Variants in BRINP1 observed in about 807,000 individuals in gnomAD.
BRINP1 encodes BMP/retinoic acid-inducible neural-specific protein 1.
Under a neutral mutation model 72.9 loss-of-function variants are expected in BRINP1, and 17 were observed. That is an observed-to-expected ratio of 0.23 (90% CI 0.16 to 0.35). The LOEUF (loss-of-function observed/expected upper bound fraction) is 0.35, where lower values mean the gene tolerates loss of function less well. Among genes scored for constraint, BRINP1 ranks in the 10% least tolerant of loss-of-function variants. BRINP1 has a pLI of 1.00. For synonymous variants in BRINP1, 418 were observed against 378.5 expected, an observed-to-expected ratio of 1.10 and a Z score of -1.21; for missense variants, 850 against 1,001.6, an observed-to-expected ratio of 0.85 and a Z score of 2.04.
rs192096203 is a variant in BRINP1, at chr9:119,213,295, T to C, written c.922+624A>G. Reference sequence around the variant, plus strand: ...GCCTGGCTTTCCAACAAAACTCAAATGTCCATGAAGGTAGAGATCCTACTT... The same window carrying C: ...GCCTGGCTTTCCAACAAAACTCAAACGTCCATGAAGGTAGAGATCCTACTT... On this transcript the variant is annotated intron_variant, in intron 6 of 7. Transcript: ENST00000265922. 2.0e-5 allele frequency among the ~76,000 whole-genome samples: 3 copies of C among 152,312 alleles called. No homozygotes were observed. In the East Asian group the frequency reaches 5.8e-4, roughly 29 times the overall value.
rs115548564 is a variant in BRINP1, at chr9:119,248,994, G to A, written c.375C>T (p.Tyr125=). 193 of 1,613,792 alleles carry A rather than the reference G, an allele frequency of 1.2e-4. No individual in the cohort carries two copies. The East Asian group carries it at 1.4e-3, about 11-fold the overall frequency. The change falls in exon 3 of 8, where the codon TAC becomes TAT. Residue 125 remains tyrosine, a synonymous_variant. Transcript: ENST00000265922. The stretch of plus-strand genomic sequence containing the variant: ...TGGCTGAGATGAGCAGGTGGGTGCC[G>A]TACTTTTTGATGATGGTATCGATGA... ...QQFIDTIIKK[Y]GTHLLISATL...
chr9:119,349,747 C>T (rs967133184), intron 1 of BRINP1, among the ~76,000 whole-genome samples: 83 of 152,186 alleles, frequency 5.5e-4, no homozygotes, highest in African/African-American at 1.9e-3. Flanking sequence ...TTGCAGTCAG[C>T]GAAAAGCCCC....
At chr9:119,271,125 A>G (rs1483598044) in intron 2 of BRINP1, among the ~76,000 whole-genome samples, 1 of 152,196 alleles carries the variant, frequency 6.6e-6, no homozygotes, top group Non-Finnish European at 1.5e-5. Flanking sequence ...TGAGCTGATA[A>G]CTGATGAAAT....
At chr9:119,176,373 C>T (rs994274980) in intron 7 of BRINP1, among the ~76,000 whole-genome samples, 17 of 152,306 alleles carry the variant, frequency 1.1e-4, no homozygotes, top group African/African-American at 3.8e-4. Flanking sequence ...GCATTGTACT[C>T]TCTGTGGTAG....
intron 2 of BRINP1, among the ~76,000 whole-genome samples, chr9:119,265,446 A>C (rs186109692): frequency 6.6e-6 from 1 of 151,334 alleles, no homozygotes; most frequent in African/African-American, 2.4e-5. Context: ...ACTAAAAATA[A>C]AAAAAAAAAT....
chr9:119,196,402 G>A (rs1370621543), intron 7 of BRINP1, among the ~76,000 whole-genome samples: 4 of 152,152 alleles, frequency 2.6e-5, no homozygotes, highest in Non-Finnish European at 4.4e-5. Flanking sequence ...CCAAAAGAGA[G>A]ATCCCATCGA....
intron 5 of BRINP1, among the ~76,000 whole-genome samples, chr9:119,237,329 G>A (rs1830201237): frequency 8.0e-6 from 1 of 125,242 alleles, no homozygotes; most frequent in African/African-American, 3.4e-5. Flanking sequence ...CTAATACCTG[G>A]GCATATTTTC....
At chr9:119,212,095 GT>G (rs1829934919) in intron 6 of BRINP1, among the ~76,000 whole-genome samples, 1 of 151,952 alleles carries the variant, frequency 6.6e-6, no homozygotes, top group Non-Finnish European at 1.5e-5. Context: ...AATCATCATA[GT>G]ACATTTCCAT....
intron 1 of BRINP1, among the ~76,000 whole-genome samples, chr9:119,353,402 T>A (rs1355288913): frequency 6.6e-6 from 1 of 152,190 alleles, no homozygotes; most frequent in African/African-American, 2.4e-5. Context: ...AATCCAGTGA[T>A]ATATGAATGA....
intron 1 of BRINP1, among the ~76,000 whole-genome samples, chr9:119,347,512 T>G (rs556134301): frequency 6.6e-6 from 1 of 152,266 alleles, no homozygotes; most frequent in South Asian, 2.1e-4. Flanking sequence ...TTATTATTAT[T>G]GGACATTATT....
At chr9:119,196,002 A>AT (rs1337829744) in intron 7 of BRINP1, among the ~76,000 whole-genome samples, 1 of 152,168 alleles carries the variant, frequency 6.6e-6, no homozygotes, top group Non-Finnish European at 1.5e-5. Flanking sequence ...TTTATTTAGC[A>AT]TTTTTTTGTA....
chr9:119,239,120 G>C (rs1017722445), intron 4 of BRINP1, among the ~76,000 whole-genome samples: 1 of 152,166 alleles, frequency 6.6e-6, no homozygotes, highest in Non-Finnish European at 1.5e-5. Context: ...TTTACCCTGG[G>C]ACCTAGGGAA....
At chr9:119,168,477 G>T (rs1215655612) in intron 7 of BRINP1, among the ~76,000 whole-genome samples, 2 of 148,704 alleles carry the variant, frequency 1.3e-5, no homozygotes, top group South Asian at 2.1e-4. Context: ...AAGTGAAGGG[G>T]TTGGAGTAAA....
At chr9:119,297,623 T>C (rs1830893890) in intron 2 of BRINP1, among the ~76,000 whole-genome samples, 1 of 152,152 alleles carries the variant, frequency 6.6e-6, no homozygotes, top group Non-Finnish European at 1.5e-5. Context: ...ATTCGTTCCA[T>C]TCTTTTTGTT....
chr9:119,362,549 C>A (rs1831646097), intron 1 of BRINP1, among the ~76,000 whole-genome samples: 1 of 152,182 alleles, frequency 6.6e-6, no homozygotes, highest in Non-Finnish European at 1.5e-5. Flanking sequence ...CCATACCCCC[C>A]AAGTCACTTT....
At chr9:119,256,165 T>G (rs557638956) in intron 2 of BRINP1, among the ~76,000 whole-genome samples, 8 of 152,094 alleles carry the variant, frequency 5.3e-5, no homozygotes, top group Non-Finnish European at 1.0e-4. Context: ...GTTTATACTT[T>G]GTAAAATGTA....
intron 5 of BRINP1, among the ~76,000 whole-genome samples, chr9:119,237,604 C>T (rs893111928): frequency 1.3e-5 from 2 of 151,796 alleles, no homozygotes; most frequent in Non-Finnish European, 2.9e-5. Flanking sequence ...CCTCGTGATC[C>T]GCCCGCCTCG....
chr9:119,271,771 ACTT>A (rs1830608013), intron 2 of BRINP1, among the ~76,000 whole-genome samples: 1 of 152,070 alleles, frequency 6.6e-6, no homozygotes, highest in East Asian at 1.9e-4. Context: ...TTGATTTGCC[ACTT>A]CTTTGTCTTT....
At chr9:119,252,655 TCA>T (rs1047134658) in intron 2 of BRINP1, among the ~76,000 whole-genome samples, 7 of 152,052 alleles carry the variant, frequency 4.6e-5, no homozygotes, top group African/African-American at 1.7e-4. Flanking sequence ...AATATTTATT[TCA>T]CACAGAGAGG....
Sources: allele counts gnomAD v4.1 joint callset (sites outside exome capture counted in the v4.1 genomes callset), GRCh38; gene constraint gnomAD v4.1.1; transcripts MANE v1.5; gene names NCBI Gene and HGNC (gene_info 2026-07-23, HGNC 2026-07-21).